Variants in SENP5 observed in about 807,000 individuals in gnomAD.
SENP5 encodes sentrin-specific protease 5.
A neutral mutation model predicts 74.2 loss-of-function variants in SENP5; 21 were observed. The observed-to-expected ratio is 0.28, with a 90% confidence interval of 0.20 to 0.41. The LOEUF is 0.41. Ranked by LOEUF, SENP5 falls within the 10% of genes least tolerant of loss-of-function variation. The pLI, the probability that SENP5 is intolerant of heterozygous loss-of-function variation, is 1.00. For missense variants in SENP5, 717 were observed against 889.1 expected, an observed-to-expected ratio of 0.81 and a Z score of 2.46; for synonymous variants, 311 against 312.7, an observed-to-expected ratio of 0.99 and a Z score of 0.06.
intron 1 of SENP5, among the ~76,000 whole-genome samples, chr3:196,875,454 G>A (rs1446952994): frequency 6.6e-6 from 1 of 152,006 alleles, no homozygotes; most frequent in African/African-American, 2.4e-5. Flanking sequence ...TTGTCTTTCA[G>A]TGGCTTCACA....
At chr3:196,912,749 C>G (rs1051394781) in intron 6 of SENP5, 1 of 152,052 alleles carries the variant, frequency 6.6e-6, no homozygotes, top group African/African-American at 2.4e-5. Flanking sequence ...TGGTGTGTGC[C>G]TGTAGTCTCT....
In SENP5 at chr3:196,870,622, A is replaced by G. The variant is rs1345481286; in HGVS notation, c.-32+2549A>G. ...AACTTCCGCCTCCCGGGTTCAAGTG[A>G]TTGTCCTGTCTCAGCCTCCCAAGTA... On this transcript the variant is annotated intron_variant, in intron 1 of 9. Coordinates refer to ENST00000323460, the MANE Select transcript of SENP5 (RefSeq NM_152699.5). 6.6e-5 allele frequency among the ~76,000 whole-genome samples: 10 copies of G among 151,724 alleles called. No homozygotes were observed. In the East Asian group the frequency reaches 1.6e-3, roughly 24 times the overall value.
At chr3:196,919,196 A>G (rs547101014) in intron 6 of SENP5, among the ~76,000 whole-genome samples, 4 of 152,200 alleles carry the variant, frequency 2.6e-5, no homozygotes, top group Non-Finnish European at 5.9e-5. Context: ...AAAATCAACA[A>G]AGGGCCAGGT....
chr3:196,928,013 G>A (rs1715880244), intron 8 of SENP5, 134 bp downstream of exon 8: 1 of 559,284 alleles, frequency 1.8e-6, no homozygotes, highest in African/African-American at 1.9e-5. Flanking sequence ...GGAGGCAGCT[G>A]AGAATGAACT....
intron 8 of SENP5, among the ~76,000 whole-genome samples, 153 bp downstream of exon 8, chr3:196,928,032 C>T (rs1449732335): frequency 6.6e-6 from 1 of 152,150 alleles, no homozygotes; most frequent in African/African-American, 2.4e-5. Flanking sequence ...CTTCAGTTGA[C>T]TATTCATCAT....
intron 6 of SENP5, chr3:196,914,605 A>ATATGTATG (rs1553825413): frequency 1.6e-5 from 2 of 122,492 alleles, no homozygotes; most frequent in African/African-American, 6.5e-5. Flanking sequence ...ATATATATAT[A>ATATGTATG]TATATATGTC....
Position 196,922,896 on chromosome 3 carries a change from C to T in SENP5, c.1885-518C>T, listed in dbSNP as rs531815275. Among the ~76,000 whole-genome samples the T allele has an allele frequency of 1.1e-4, 17 of 152,156 alleles. 1 individual carries two copies. The highest frequency in any genetic ancestry group is 4.1e-4 in the African/African-American group (17 of 41,536). On this transcript the variant is annotated intron_variant, in intron 6 of 9. Transcript: ENST00000323460. The stretch of plus-strand genomic sequence containing the variant: ...CCTCTCAAAGTGCTGGGATTACAGG[C>T]GTGAGCCACTGAGCCCGGCCTGATT...
Position 196,929,677 on chromosome 3 carries a change from G to A in SENP5, c.2151G>A (p.Val717=). The A allele has an allele frequency of 6.2e-7, 1 of 1,607,256 alleles. No homozygotes were observed. Among genetic ancestry groups the A allele is most frequent in the Non-Finnish European group, 8.5e-7 (1 of 1,175,262 alleles). ...ACGACAGTGACTGTGGAGTCTTTGT[G>A]CTCCAGGTAAAGAAACACTTGCTTT... is the stretch of plus-strand genomic sequence containing the variant. ...QKNDSDCGVF[V]LQYCKCLALE... The change falls in exon 9 of 10, where the codon GTG becomes GTA. Residue 717 remains valine, a synonymous_variant. Coordinates refer to ENST00000323460, the MANE Select transcript of SENP5 (RefSeq NM_152699.5).
At chr3:196,923,372 G>A (rs767973165) in intron 6 of SENP5, 42 bp from the exon 7 acceptor site, 1 of 1,577,890 alleles carries the variant, frequency 6.3e-7, no homozygotes, top group South Asian at 1.2e-5. Context: ...GGTTTGGATA[G>A]CCTGTGGTGA....
intron 6 of SENP5, among the ~76,000 whole-genome samples, chr3:196,918,396 C>CT (rs34494616): frequency 1.9e-4 from 27 of 141,466 alleles, no homozygotes; most frequent in South Asian, 1.1e-3. Flanking sequence ...TTTCTCTTGA[C>CT]TTTTTTTTTT....
At chr3:196,905,759 C>T (rs1206080113) in intron 6 of SENP5, among the ~76,000 whole-genome samples, 1 of 152,122 alleles carries the variant, frequency 6.6e-6, no homozygotes, top group Non-Finnish European at 1.5e-5. Flanking sequence ...GGCTTCATTA[C>T]ATAGGCGATT....
chr3:196,922,903 C>T (rs1286621488), intron 6 of SENP5, among the ~76,000 whole-genome samples: 1 of 152,152 alleles, frequency 6.6e-6, no homozygotes, highest in African/African-American at 2.4e-5. Context: ...AGGCGTGAGC[C>T]ACTGAGCCCG....
At chr3:196,883,395 T>C (rs537914551) in intron 1 of SENP5, among the ~76,000 whole-genome samples, 14 of 152,314 alleles carry the variant, frequency 9.2e-5, no homozygotes, top group African/African-American at 2.4e-4. Flanking sequence ...GCCAGTCTTA[T>C]GGAAGCTGAG....
chr3:196,901,536 A>G (rs1714701042), intron 5 of SENP5, among the ~76,000 whole-genome samples: 1 of 152,176 alleles, frequency 6.6e-6, no homozygotes, highest in African/African-American at 2.4e-5. Flanking sequence ...TTCTGAGTAC[A>G]CAAATGCCTG....
intron 6 of SENP5, among the ~76,000 whole-genome samples, chr3:196,919,339 G>A (rs1366925520): frequency 6.6e-6 from 1 of 152,212 alleles, no homozygotes; most frequent in Non-Finnish European, 1.5e-5. Flanking sequence ...AAATTAGCCA[G>A]GGGTGGTGGC....
chr3:196,882,020 C>T (rs1182013435), intron 1 of SENP5, among the ~76,000 whole-genome samples: 2 of 151,408 alleles, frequency 1.3e-5, no homozygotes, highest in African/African-American at 4.9e-5. Flanking sequence ...TCTCAGCCTC[C>T]CGAGTAGCTG....
intron 2 of SENP5, among the ~76,000 whole-genome samples, chr3:196,894,520 T>C (rs1190381914): frequency 2.7e-5 from 4 of 150,494 alleles, no homozygotes; most frequent in Non-Finnish European, 5.9e-5. Flanking sequence ...TAATAAAATA[T>C]TTAGTTGCGA....
In SENP5 at chr3:196,885,828, A is replaced by C; in HGVS notation, c.647A>C (p.Lys216Thr). 2 of 1,614,234 alleles carry C rather than the reference A, an allele frequency of 1.2e-6. No homozygotes were observed. Among genetic ancestry groups the C allele is most frequent in the Non-Finnish European group, 1.7e-6 (2 of 1,180,036 alleles). The part of the protein sequence containing the change: ...HRNGGPLIPK[K>T]FQLNQHRRIK... Reference sequence around the variant, plus strand: ...AATGGGGGACCCTTGATTCCAAAAAAGTTCCAACTTAACCAACATAGAAGG... The same window carrying C: ...AATGGGGGACCCTTGATTCCAAAAACGTTCCAACTTAACCAACATAGAAGG... Residue 216 changes from lysine (K) to threonine (T), a missense_variant, in exon 2 of 10, where the codon AAG (lysine) becomes ACG (threonine). Lys to Thr is a moderately conservative substitution (Grantham distance 78). Transcript: ENST00000323460.
chr3:196,921,182 A>ATTC (rs1715607633), intron 6 of SENP5, among the ~76,000 whole-genome samples: 1 of 152,246 alleles, frequency 6.6e-6, no homozygotes, highest in Non-Finnish European at 1.5e-5. Flanking sequence ...TAAACACAGA[A>ATTC]TTCACTTATG....
Sources: allele counts gnomAD v4.1 joint callset (sites outside exome capture counted in the v4.1 genomes callset), GRCh38; gene constraint gnomAD v4.1.1; transcripts MANE v1.5; gene names NCBI Gene and HGNC (gene_info 2026-07-23, HGNC 2026-07-21).